The following MYH11 variants were observed in gnomAD, a reference collection of about 807,000 sequenced individuals.
MYH11 encodes myosin heavy chain 11.
MYH11 carries 80 observed loss-of-function variants against 246.6 expected under a neutral mutation model. That is an observed-to-expected ratio of 0.32 (90% confidence interval 0.27 to 0.39). MYH11 has a LOEUF of 0.39. MYH11 is among the 10% of genes least tolerant of loss of function. The pLI is 1.00. For synonymous variants in MYH11, 1,071 were observed against 1,015.5 expected (o/e 1.05, Z -1.04); for missense variants, 2,158 against 2,546.8 (o/e 0.85, Z 3.29).
intron 2 of MYH11, among the ~76,000 whole-genome samples, chr16:15,832,943 CTTTTTTTTTTTTTTTTTTT>C (rs780380104): frequency 9.0e-5 from 5 of 55,340 alleles, no homozygotes; most frequent in East Asian, 1.6e-3. Flanking sequence ...GCAACCTCAT[CTTTTTTTTTTTTTTTTTTT>C]TTTTTTTTTT....
At chr16:15,764,883 G>A (rs768069528) in intron 9 of MYH11, among the ~76,000 whole-genome samples, 6 of 152,210 alleles carry the variant, frequency 3.9e-5, no homozygotes, top group Non-Finnish European at 8.8e-5. Flanking sequence ...TTGGGATGAA[G>A]AAGATATACA....
At chr16:15,799,123 G>T (rs1325162263) in intron 3 of MYH11, among the ~76,000 whole-genome samples, 1 of 152,122 alleles carries the variant, frequency 6.6e-6, no homozygotes, top group Non-Finnish European at 1.5e-5. Context: ...ATATAGTATT[G>T]TGCACATTTG....
intron 4 of MYH11, among the ~76,000 whole-genome samples, chr16:15,788,545 GAA>G (rs1414833551): frequency 4.6e-5 from 7 of 151,670 alleles, no homozygotes; most frequent in African/African-American, 1.7e-4. Context: ...AAAGAAAAAA[GAA>G]AGAGAAAGAA....
intron 4 of MYH11, among the ~76,000 whole-genome samples, chr16:15,794,120 AT>A (rs1322755176): frequency 1.7e-5 from 2 of 117,472 alleles, no homozygotes; most frequent in African/African-American, 6.5e-5. Flanking sequence ...ATTTTTTTGT[AT>A]TTTTTTAGTA....
chr16:15,823,249 A>G lies in MYH11; in HGVS notation c.502+6T>C, dbSNP rs1448757819. 2 of 1,613,946 alleles carry G rather than the reference A, an allele frequency of 1.2e-6. No individual in the cohort carries two copies. The highest frequency in any genetic ancestry group is 1.7e-6 in the Non-Finnish European group (2 of 1,180,006). ...GCTGGCCCCGTGCAGCCCTGAGTTC[A>G]CTCACCTTGAAGCATGCTCCGGTAG... On this transcript the variant is annotated splice_donor_region_variant and intron_variant, in intron 3 of 40. Transcript: ENST00000300036.
chr16:15,740,315 A>G, intron 22 of MYH11, 127 bp from the exon 23 acceptor site: 1 of 1,440,018 alleles, frequency 6.9e-7, no homozygotes, highest in Non-Finnish European at 9.6e-7. Flanking sequence ...TCCTAAAAGG[A>G]AGAAATAAAG....
At chr16:15,799,953 C>CGGAA (rs927880410) in intron 3 of MYH11, among the ~76,000 whole-genome samples, 1 of 147,712 alleles carries the variant, frequency 6.8e-6, no homozygotes, top group Non-Finnish European at 1.5e-5. Context: ...GATGAGTGGA[C>CGGAA]GGAAGGAAGG....
chr16:15,843,913 A>G (rs1213898201), intron 1 of MYH11, among the ~76,000 whole-genome samples: 2 of 152,024 alleles, frequency 1.3e-5, no homozygotes, highest in African/African-American at 2.4e-5. Flanking sequence ...CCACCACAAG[A>G]CTGACTATAT....
chr16:15,784,611 G>A (rs1203434199), intron 5 of MYH11: 3 of 1,448,560 alleles, frequency 2.1e-6, no homozygotes, highest in Non-Finnish European at 2.9e-6. Flanking sequence ...ACCAGCTACG[G>A]GACTCGGTGG....
chr16:15,833,424 T>A (rs215592), intron 2 of MYH11, among the ~76,000 whole-genome samples: 2 of 150,574 alleles, frequency 1.3e-5, no homozygotes, highest in East Asian at 2.0e-4. Context: ...AGGAACGAAC[T>A]AACTAACTCG....
At chr16:15,733,338 A>C (rs756377001) in intron 26 of MYH11, among the ~76,000 whole-genome samples, 10 of 152,164 alleles carry the variant, frequency 6.6e-5, no homozygotes, top group Non-Finnish European at 1.5e-4. Flanking sequence ...GGTTCAAGCG[A>C]TTCTCCTGCC....
intron 3 of MYH11, among the ~76,000 whole-genome samples, chr16:15,817,583 T>C (rs1030395135): frequency 6.6e-6 from 1 of 152,174 alleles, no homozygotes; most frequent in African/African-American, 2.4e-5. Context: ...AAGATACATA[T>C]TTTAAATATC....
intron 1 of MYH11, among the ~76,000 whole-genome samples, chr16:15,852,284 G>A (rs2044349294): frequency 6.6e-6 from 1 of 151,236 alleles, no homozygotes; most frequent in African/African-American, 2.4e-5. Context: ...GTGCCAAGAG[G>A]ATGGGGACTG....
In MYH11 at chr16:15,715,231, T is replaced by C. The variant is rs2040060420; in HGVS notation, c.5546A>G (p.Lys1849Arg). Residue 1849 changes from lysine to arginine, a missense_variant, in exon 39 of 41, where the codon AAG (lysine) becomes AGG (arginine). This residue lies in a region of MYH11 where 1,013 missense variants were observed against 993.5 expected (regional missense o/e 1.02). Transcript: ENST00000300036. The stretch of plus-strand genomic sequence containing the variant: ...CTGCAGCAAGATTTCCTTCAGCTTC[T>C]TGTCTTTCTGCTTCAGCGACTTGGT... Reference protein sequence around the residue: ...AATKSLKQKDKKLKEILLQVE... With the variant: ...AATKSLKQKDRKLKEILLQVE... 4 of 1,614,200 alleles carry C rather than the reference T, an allele frequency of 2.5e-6. No homozygotes were observed. Among genetic ancestry groups the C allele is most frequent in the African/African-American group, 1.3e-5 (1 of 75,068 alleles).
At position 15,724,769 on chromosome 16, in the gene MYH11, G is replaced by A; in HGVS notation, c.3994C>T (p.Leu1332Phe). 4 of 1,614,088 alleles carry A rather than the reference G, an allele frequency of 2.5e-6. No individual in the cohort carries two copies. Among genetic ancestry groups the A allele is most frequent in the Non-Finnish European group, 2.5e-6 (3 of 1,180,042 alleles). Residue 1332 changes from leucine (L) to phenylalanine (F), a missense_variant, in exon 30 of 41, where the codon CTC (leucine) becomes TTC (phenylalanine). By Grantham distance (22) the Leu-to-Phe change is conservative. Transcript: ENST00000300036. ...ELLQEETRQK[L>F]NVSTKLRQLE... ...TGGCGCAGCTTCGTAGACACGTTGA[G>A]CTTCTGCCGGGTTTCTTCTTGAAGC...
At chr16:15,808,306 G>C (rs988109072) in intron 3 of MYH11, among the ~76,000 whole-genome samples, 1 of 152,134 alleles carries the variant, frequency 6.6e-6, no homozygotes, top group African/African-American at 2.4e-5. Context: ...CACACTGACC[G>C]AATCACCCTT....
At chr16:15,723,572 AG>A (rs1180765353) in intron 31 of MYH11, among the ~76,000 whole-genome samples, 4 of 152,174 alleles carry the variant, frequency 2.6e-5, no homozygotes, top group South Asian at 2.1e-4. Flanking sequence ...GCTTGAACCC[AG>A]TGGTGGAGGT....
chr16:15,839,700 A>T lies in MYH11; in HGVS notation c.-17-1431T>A, dbSNP rs931338565. 2.4e-4 allele frequency among the ~76,000 whole-genome samples: 36 copies of T among 151,302 alleles called. 1 individual carries two copies. Among genetic ancestry groups the T allele is most frequent in the African/African-American group, 8.6e-4 (35 of 40,834 alleles). ...CAGAGCGAGACTCTGTCTCGAAAAA[A>T]AAAAAAAGTAATGGCAAAATAGAAA... On this transcript the variant is annotated intron_variant, in intron 1 of 40. Transcript: ENST00000300036.
At chr16:15,853,531 G>A (rs1415034626) in intron 1 of MYH11, among the ~76,000 whole-genome samples, 2 of 152,116 alleles carry the variant, frequency 1.3e-5, no homozygotes, top group South Asian at 2.1e-4. Context: ...ACAGATGTCC[G>A]ACCTCCCCTT....
Sources: gnomAD v4.1 joint callset for allele counts (sites outside exome capture counted in the v4.1 genomes callset) on GRCh38, gnomAD v4.1.1 for gene constraint, gnomAD v4.1.1 regional missense constraint, MANE v1.5 for transcripts, NCBI Gene and HGNC (gene_info 2026-07-23, HGNC 2026-07-21) for gene names.